GUCY2C: variants seen among roughly 807,000 people sequenced by gnomAD.
The protein encoded by GUCY2C is guanylyl cyclase C.
In GUCY2C, 118 loss-of-function variants were observed where a neutral mutation model predicts 131.1. That is an observed-to-expected ratio of 0.90 (90% CI 0.78 to 1.05). The LOEUF (loss-of-function observed/expected upper bound fraction) is 1.05. Among genes scored for constraint, GUCY2C ranks in the 50% least tolerant of loss-of-function variants. GUCY2C has a pLI of 0.00. For missense variants in GUCY2C, 1,161 were observed against 1,304.4 expected, an observed-to-expected ratio of 0.89 and a Z score of 1.69; for synonymous variants, 452 against 457.8, an observed-to-expected ratio of 0.99 and a Z score of 0.16.
chr12:14,635,207 T>C (rs1947239999), intron 19 of GUCY2C, among the ~76,000 whole-genome samples: 1 of 152,164 alleles, frequency 6.6e-6, no homozygotes. Context: ...AGACCATATG[T>C]TACGACACAA....
chr12:14,617,960 A>C (rs555011796), intron 24 of GUCY2C, among the ~76,000 whole-genome samples: 15 of 152,288 alleles, frequency 9.8e-5, no homozygotes, highest in Non-Finnish European at 1.8e-4. Flanking sequence ...CCTTGCCAGC[A>C]TGATTTGCCA....
intron 15 of GUCY2C, among the ~76,000 whole-genome samples, chr12:14,645,706 A>G (rs936787064): frequency 2.0e-5 from 3 of 151,636 alleles, no homozygotes; most frequent in Non-Finnish European, 4.4e-5. Flanking sequence ...TTGTGTTTTT[A>G]CTCACATAAT....
intron 1 of GUCY2C, among the ~76,000 whole-genome samples, chr12:14,693,493 C>T (rs1177827281): frequency 6.6e-6 from 1 of 152,164 alleles, no homozygotes; most frequent in Non-Finnish European, 1.5e-5. Context: ...TGATCATTTC[C>T]CTTTGAACAT....
At chr12:14,654,485 AT>A (rs1291061008) in intron 12 of GUCY2C, among the ~76,000 whole-genome samples, 1 of 152,124 alleles carries the variant, frequency 6.6e-6, no homozygotes, top group African/African-American at 2.4e-5. Context: ...GATCAAAATA[AT>A]TTTGAACTTC....
Position 14,641,165 on chromosome 12 carries a change from T to A in GUCY2C, c.1985A>T (p.Asp662Val). The part of the protein sequence containing the change: ...LRQANISQKG[D>V]VYSYGIIAQE... ...TGCGATGATCCCATAGCTGTACACA[T>A]CTCCTTTCTGAGAGATGTTGGCTTG... Residue 662 changes from aspartate to valine, a missense_variant, in exon 18 of 27, where the codon GAT (aspartate) becomes GTT (valine). Coordinates refer to ENST00000261170, the MANE Select transcript of GUCY2C (RefSeq NM_004963.4). The A allele has an allele frequency of 6.2e-7, 1 of 1,613,684 alleles. No individual in the cohort carries two copies. Among genetic ancestry groups the A allele is most frequent in the Non-Finnish European group, 8.5e-7 (1 of 1,179,826 alleles).
rs144941598 is a variant in GUCY2C, at chr12:14,696,306, G to A, written c.143C>T (p.Ala48Val). The A allele has an allele frequency of 2.5e-6, 4 of 1,614,002 alleles. No homozygotes were observed. The highest frequency in any genetic ancestry group is 1.7e-5 in the Admixed American group (1 of 60,006). Reference sequence around the variant, plus strand: ...ATCTTCCAAGTTTTTCAGGGGCTCTGCAAAGGCTGAGTTGCCCATCATCAG... The same window carrying A: ...ATCTTCCAAGTTTTTCAGGGGCTCTACAAAGGCTGAGTTGCCCATCATCAG... ...SVLMMGNSAF[A>V]EPLKNLEDAV... Residue 48 changes from alanine to valine, a missense_variant, in exon 1 of 27, where the codon GCA becomes GTA. Physicochemically the swap from Ala to Val is moderately conservative, Grantham distance 64. Transcript: ENST00000261170.
At chr12:14,692,550 G>A (rs965924364) in intron 1 of GUCY2C, among the ~76,000 whole-genome samples, 1 of 152,112 alleles carries the variant, frequency 6.6e-6, no homozygotes, top group Non-Finnish European at 1.5e-5. Context: ...ATTTTAAAGA[G>A]TTTAAAGAGG....
chr12:14,643,165 T>C (rs1488105700), intron 17 of GUCY2C, among the ~76,000 whole-genome samples: 1 of 152,228 alleles, frequency 6.6e-6, no homozygotes, highest in African/African-American at 2.4e-5. Flanking sequence ...ATGTCTTGAA[T>C]GGGAAATGGG....
intron 6 of GUCY2C, among the ~76,000 whole-genome samples, 178 bp from the exon 7 acceptor site, chr12:14,677,149 A>G (rs1473522949): frequency 6.6e-6 from 1 of 152,200 alleles, no homozygotes; most frequent in Non-Finnish European, 1.5e-5. Context: ...TTGTTAGGTT[A>G]AATAAGAGAA....
chr12:14,674,877 G>A (rs1948195082), intron 7 of GUCY2C, 117 bp from the exon 8 acceptor site: 4 of 728,740 alleles, frequency 5.5e-6, no homozygotes, highest in Non-Finnish European at 9.1e-6. Context: ...GGATATCAGG[G>A]GAATTGAAGG....
chr12:14,656,281 C>T (rs1007202752), intron 12 of GUCY2C, among the ~76,000 whole-genome samples: 10 of 152,232 alleles, frequency 6.6e-5, no homozygotes, highest in Middle Eastern at 3.4e-3. Flanking sequence ...ATGCAAAGAA[C>T]GAGAACACAC....
At position 14,656,591 on chromosome 12, in the gene GUCY2C, C is replaced by T. The variant is rs55684775; in HGVS notation, c.1391G>A (p.Arg464His). The T allele has an allele frequency of 8.8e-6, 14 of 1,584,392 alleles. No individual in the cohort carries two copies. The highest frequency in any genetic ancestry group is 3.3e-5 in the Admixed American group (2 of 59,938). The change falls in exon 12 of 27, where the codon CGT becomes CAT. Residue 464 changes from arginine (R) to histidine (H), a missense_variant. Transcript: ENST00000261170. The stretch of plus-strand genomic sequence containing the variant: ...AGGAATGTGGGACCATTTTTTCTGA[C>T]GAAGTTCATAATCTTTTCTATATTT... ...LRKYRKDYEL[R>H]QKKWSHIPPE...
chr12:14,684,593 C>CT (rs1418950056), intron 3 of GUCY2C, among the ~76,000 whole-genome samples: 391 of 1,342 alleles, frequency 0.29, 23 homozygotes, highest in Middle Eastern at 0.5. Flanking sequence ...TCCTTCCTTC[C>CT]TTCCTTCCTT....
At chr12:14,644,705 A>T (rs1298843064) in intron 16 of GUCY2C, among the ~76,000 whole-genome samples, 1 of 148,804 alleles carries the variant, frequency 6.7e-6, no homozygotes, top group Non-Finnish European at 1.5e-5. Context: ...TCCTGTACTT[A>T]AGATTTTCTC....
intron 24 of GUCY2C, among the ~76,000 whole-genome samples, chr12:14,618,779 T>C (rs767261590): frequency 5.3e-5 from 8 of 152,040 alleles, no homozygotes; most frequent in Admixed American, 1.3e-4. Flanking sequence ...CCAGCCTGGG[T>C]GACAGAACGA....
chr12:14,660,922 C>T, intron 11 of GUCY2C, 59 bp downstream of exon 11: 1 of 1,074,934 alleles, frequency 9.3e-7, no homozygotes, highest in Non-Finnish European at 1.5e-6. Context: ...CAGACCTCTC[C>T]CACTTTCCCT....
intron 15 of GUCY2C, among the ~76,000 whole-genome samples, chr12:14,646,620 T>C (rs1947528827): frequency 6.6e-6 from 1 of 152,214 alleles, no homozygotes; most frequent in South Asian, 2.1e-4. Context: ...AATTGCACCA[T>C]CTAATTTATT....
At chr12:14,687,721 C>T (rs1393198864) in intron 2 of GUCY2C, among the ~76,000 whole-genome samples, 3 of 152,180 alleles carry the variant, frequency 2.0e-5, no homozygotes, top group Non-Finnish European at 4.4e-5. Context: ...AGTGTACACA[C>T]AGTACATAGC....
chr12:14,629,691 A>C (rs1378224751), intron 19 of GUCY2C, among the ~76,000 whole-genome samples: 2 of 152,214 alleles, frequency 1.3e-5, no homozygotes, highest in African/African-American at 4.8e-5. Flanking sequence ...AATATGAGGC[A>C]AATGGCTCCA....
Sources: allele counts gnomAD v4.1 joint callset (sites outside exome capture counted in the v4.1 genomes callset), GRCh38; gene constraint gnomAD v4.1.1; transcripts MANE v1.5; gene names NCBI Gene and HGNC (gene_info 2026-07-23, HGNC 2026-07-21).